Variants in ATXN1 observed in about 807,000 individuals in gnomAD.
ATXN1 encodes ataxin-1.
In ATXN1, 8 loss-of-function variants were observed where a neutral mutation model predicts 56.4. That is an observed-to-expected ratio of 0.14 (90% CI 0.08 to 0.26). The LOEUF (loss-of-function observed/expected upper bound fraction) is 0.26, where lower values mean the gene tolerates loss of function less well. ATXN1 is among the 10% of genes least tolerant of loss of function. ATXN1 has a pLI of 1.00. For missense variants in ATXN1, 987 were observed against 1,106.5 expected, an observed-to-expected ratio of 0.89 and a Z score of 1.53; for synonymous variants, 514 against 494.6, an observed-to-expected ratio of 1.04 and a Z score of -0.52.
chr6:16,751,575 T>C (rs190548562), intron 2 of ATXN1, among the ~76,000 whole-genome samples: 82 of 102,470 alleles, frequency 8.0e-4, no homozygotes, highest in African/African-American at 4.0e-3. Flanking sequence ...CATCAGTTCA[T>C]TTTACAACAA....
At chr6:16,565,726 C>T (rs1163296019) in intron 4 of ATXN1, among the ~76,000 whole-genome samples, 2 of 152,032 alleles carry the variant, frequency 1.3e-5, no homozygotes, top group African/African-American at 2.4e-5. Flanking sequence ...CCAGGTAAAC[C>T]ATGTTAATAT....
intron 5 of ATXN1, among the ~76,000 whole-genome samples, chr6:16,500,446 G>A (rs1387134401): frequency 6.6e-6 from 1 of 152,154 alleles, no homozygotes; most frequent in Non-Finnish European, 1.5e-5. Flanking sequence ...CTTCAATGTG[G>A]CACCCATCTT....
intron 6 of ATXN1, among the ~76,000 whole-genome samples, chr6:16,444,955 CA>C (rs1400627763): frequency 1.3e-5 from 2 of 152,094 alleles, no homozygotes; most frequent in African/African-American, 4.8e-5. Context: ...TTAGCAACAC[CA>C]CATGGAGGCA....
At chr6:16,606,891 T>TGTGTGTGTGTGTGTGTGTG (rs1324613113) in intron 3 of ATXN1, among the ~76,000 whole-genome samples, 3 of 17,842 alleles carry the variant, frequency 1.7e-4, no homozygotes, top group African/African-American at 3.8e-4. Flanking sequence ...GTGTGTGTTG[T>TGTGTGTGTGTGTGTGTGTG]TTGTTTGTTT....
chr6:16,673,015 C>T (rs1434846564), intron 2 of ATXN1, among the ~76,000 whole-genome samples: 8 of 109,762 alleles, frequency 7.3e-5, no homozygotes, highest in African/African-American at 2.3e-4. Context: ...TCCGTTCCCC[C>T]CCGCCAAAAA....
intron 3 of ATXN1, among the ~76,000 whole-genome samples, chr6:16,657,229 C>T (rs577210343): frequency 7.9e-5 from 12 of 152,202 alleles, no homozygotes; most frequent in Admixed American, 1.3e-4. Flanking sequence ...CCTCGTGATC[C>T]GCGCGCCTCG....
At chr6:16,312,523 A>G (rs1445738803) in intron 7 of ATXN1, among the ~76,000 whole-genome samples, 1 of 151,886 alleles carries the variant, frequency 6.6e-6, no homozygotes, top group East Asian at 1.9e-4. Flanking sequence ...ATTAAAGGGG[A>G]AGTATATAAA....
chr6:16,430,565 T>G (rs1226407098), intron 6 of ATXN1, among the ~76,000 whole-genome samples: 1 of 152,236 alleles, frequency 6.6e-6, no homozygotes, highest in East Asian at 1.9e-4. Context: ...TCCATGATTT[T>G]TTGCATATGG....
At chr6:16,675,502 A>G (rs9464933) in intron 2 of ATXN1, among the ~76,000 whole-genome samples, 105,893 of 152,074 alleles carry the variant, frequency 0.7, 37,048 homozygotes, top group Non-Finnish European at 0.72. Flanking sequence ...TATTGGCCTG[A>G]TGGCAGTCAA....
intron 4 of ATXN1, among the ~76,000 whole-genome samples, chr6:16,538,388 T>C (rs1761645880): frequency 6.6e-6 from 1 of 152,234 alleles, no homozygotes; most frequent in Non-Finnish European, 1.5e-5. Flanking sequence ...CTGACTGTTA[T>C]TCAATGATTC....
intron 6 of ATXN1, among the ~76,000 whole-genome samples, chr6:16,391,791 G>A (rs560031891): frequency 6.6e-6 from 1 of 152,242 alleles, no homozygotes; most frequent in Admixed American, 6.5e-5. Flanking sequence ...ATGACTACAG[G>A]GCTTTGTTGT....
chr6:16,636,670 T>C (rs1763603162), intron 3 of ATXN1, among the ~76,000 whole-genome samples: 1 of 152,258 alleles, frequency 6.6e-6, no homozygotes, highest in East Asian at 1.9e-4. Flanking sequence ...AAACCTTTTA[T>C]ACAGACAAAT....
intron 2 of ATXN1, among the ~76,000 whole-genome samples, chr6:16,746,402 A>G (rs942539626): frequency 3.9e-5 from 6 of 152,264 alleles, no homozygotes; most frequent in African/African-American, 1.2e-4. Flanking sequence ...CGCAGAAGAG[A>G]AAAGGAATTA....
chr6:16,659,173 C>T (rs185459402), intron 2 of ATXN1, among the ~76,000 whole-genome samples: 5 of 152,162 alleles, frequency 3.3e-5, no homozygotes, highest in South Asian at 2.1e-4. Flanking sequence ...TCCATCTAGC[C>T]GGAGGAACAA....
At chr6:16,444,553 CAGT>C (rs1473741143) in intron 6 of ATXN1, among the ~76,000 whole-genome samples, 1 of 152,096 alleles carries the variant, frequency 6.6e-6, no homozygotes, top group Non-Finnish European at 1.5e-5. Context: ...TTTCAAAACA[CAGT>C]GACTTGGTTT....
intron 2 of ATXN1, among the ~76,000 whole-genome samples, chr6:16,724,116 T>C (rs1180669538): frequency 6.6e-6 from 1 of 152,128 alleles, no homozygotes; most frequent in Non-Finnish European, 1.5e-5. Context: ...TCCCAACTGA[T>C]TGGTGAGGGA....
At chr6:16,575,735 T>C (rs1429134708) in intron 4 of ATXN1, among the ~76,000 whole-genome samples, 1 of 152,194 alleles carries the variant, frequency 6.6e-6, no homozygotes, top group Non-Finnish European at 1.5e-5. Flanking sequence ...ACAGGCACAT[T>C]TGCAAGTCCT....
intron 6 of ATXN1, among the ~76,000 whole-genome samples, chr6:16,441,659 GT>G (rs1206694949): frequency 6.6e-6 from 1 of 152,126 alleles, no homozygotes. Flanking sequence ...AAAAGAAATA[GT>G]TGGATAGAGA....
At chr6:16,709,984 A>G (rs1032089685) in intron 2 of ATXN1, among the ~76,000 whole-genome samples, 2 of 152,226 alleles carry the variant, frequency 1.3e-5, no homozygotes, top group African/African-American at 4.8e-5. Context: ...AATGAACTGC[A>G]CAAAATTCAA....
Sources: gnomAD v4.1 joint callset for allele counts (sites outside exome capture counted in the v4.1 genomes callset) on GRCh38, gnomAD v4.1.1 for gene constraint, MANE v1.5 for transcripts, NCBI Gene and HGNC (gene_info 2026-07-23, HGNC 2026-07-21) for gene names.